The following ERBB4 variants were observed in gnomAD, a reference collection of about 807,000 sequenced individuals.
The protein encoded by ERBB4 is receptor tyrosine-protein kinase erbB-4.
In ERBB4, 42 loss-of-function variants were observed where a neutral mutation model predicts 158.0. That is an observed-to-expected ratio of 0.27 (90% confidence interval 0.21 to 0.34). The LOEUF is 0.34. ERBB4 is among the 10% of genes least tolerant of loss of function. ERBB4 has a pLI of 1.00. For missense variants in ERBB4, 1,333 were observed against 1,624.1 expected, an observed-to-expected ratio of 0.82 and a Z score of 3.08; for synonymous variants, 583 against 558.7, an observed-to-expected ratio of 1.04 and a Z score of -0.61.
intron 1 of ERBB4, among the ~76,000 whole-genome samples, chr2:212,389,677 A>G (rs1215796956): frequency 1.3e-5 from 2 of 152,040 alleles, no homozygotes; most frequent in African/African-American, 4.8e-5. Context: ...GTTCTAGTGC[A>G]CAGTACATTA....
chr2:211,535,549 G>GA (rs965741734), intron 20 of ERBB4: 1 of 151,272 alleles, frequency 6.6e-6, no homozygotes, highest in Non-Finnish European at 1.5e-5. Context: ...GTGCTGCTGG[G>GA]AAAAACATAA....
At chr2:211,486,271 G>T (rs1266600584) in intron 20 of ERBB4, among the ~76,000 whole-genome samples, 1 of 152,004 alleles carries the variant, frequency 6.6e-6, no homozygotes, top group African/African-American at 2.4e-5. Flanking sequence ...GTGCAAAAAA[G>T]ACAATTAATG....
chr2:211,987,035 C>T (rs1223362312), intron 2 of ERBB4, among the ~76,000 whole-genome samples: 8 of 151,918 alleles, frequency 5.3e-5, no homozygotes, highest in African/African-American at 1.9e-4. Context: ...AGAAATCTAT[C>T]ACACAGTGGG....
chr2:211,581,838 C>T (rs2068114599), intron 19 of ERBB4, among the ~76,000 whole-genome samples: 1 of 151,902 alleles, frequency 6.6e-6, no homozygotes, highest in African/African-American at 2.4e-5. Context: ...GGTGAAACCC[C>T]GTTTCCATTA....
chr2:211,514,495 A>T (rs925627181), intron 20 of ERBB4, among the ~76,000 whole-genome samples: 5 of 152,300 alleles, frequency 3.3e-5, no homozygotes, highest in African/African-American at 1.2e-4. Context: ...AAATGAAAGA[A>T]GTTGCCATTC....
intron 2 of ERBB4, among the ~76,000 whole-genome samples, chr2:211,997,647 TTAAA>T (rs1024605548): frequency 5.9e-5 from 9 of 151,944 alleles, no homozygotes; most frequent in Non-Finnish European, 1.0e-4. Flanking sequence ...GTGCCACAGC[TTAAA>T]TAGATTCCCT....
At chr2:211,993,087 G>A (rs1213772008) in intron 2 of ERBB4, among the ~76,000 whole-genome samples, 1 of 152,150 alleles carries the variant, frequency 6.6e-6, no homozygotes, top group Non-Finnish European at 1.5e-5. Flanking sequence ...TCTCTGTTAT[G>A]CACTGAGTTG....
chr2:211,746,389 A>G (rs192238475), intron 5 of ERBB4, among the ~76,000 whole-genome samples: 3 of 152,346 alleles, frequency 2.0e-5, no homozygotes, highest in African/African-American at 7.2e-5. Flanking sequence ...CGTTAAGCCA[A>G]TTTTGGATTA....
chr2:212,187,083 T>C (rs546109481), intron 1 of ERBB4, among the ~76,000 whole-genome samples: 1 of 152,236 alleles, frequency 6.6e-6, no homozygotes, highest in Admixed American at 6.5e-5. Context: ...TAAGGTCAAA[T>C]ACAGTTGGAG....
chr2:211,582,237 G>A (rs752699269), intron 19 of ERBB4, among the ~76,000 whole-genome samples: 12 of 152,080 alleles, frequency 7.9e-5, no homozygotes, highest in Non-Finnish European at 1.6e-4. Context: ...TAGGCGTGCC[G>A]GCTTTCATCT....
At chr2:211,940,402 G>T (rs907469243) in intron 3 of ERBB4, among the ~76,000 whole-genome samples, 7 of 152,076 alleles carry the variant, frequency 4.6e-5, no homozygotes, top group Non-Finnish European at 1.0e-4. Context: ...AAGCAAGGGG[G>T]TTTGTCTCCC....
At chr2:212,319,515 T>C (rs1322892773) in intron 1 of ERBB4, among the ~76,000 whole-genome samples, 1 of 150,610 alleles carries the variant, frequency 6.6e-6, no homozygotes, top group Non-Finnish European at 1.5e-5. Context: ...TAAATGACAT[T>C]TCTGTAGCAA....
At chr2:211,600,424 C>T (rs915988627) in intron 19 of ERBB4, among the ~76,000 whole-genome samples, 6 of 151,824 alleles carry the variant, frequency 4.0e-5, no homozygotes, top group African/African-American at 1.5e-4. Context: ...AAGCAAAAAG[C>T]CAAGTGCCTA....
chr2:211,925,655 T>C (rs1275388690), intron 3 of ERBB4, among the ~76,000 whole-genome samples: 1 of 152,058 alleles, frequency 6.6e-6, no homozygotes, highest in African/African-American at 2.4e-5. Context: ...TGCTAGATAA[T>C]AGGCATGAGC....
intron 16 of ERBB4, among the ~76,000 whole-genome samples, chr2:211,636,100 CGT>C (rs67127866): frequency 0.76 from 114,611 of 150,196 alleles, 47,667 homozygotes; most frequent in East Asian, 0.99. Context: ...ACTGAAAATG[CGT>C]GTGTGTGTTT....
intron 1 of ERBB4, among the ~76,000 whole-genome samples, chr2:212,371,910 G>A (rs1489223098): frequency 6.6e-6 from 1 of 152,098 alleles, no homozygotes; most frequent in Non-Finnish European, 1.5e-5. Context: ...AAGGATATTT[G>A]CAATTTAGTA....
intron 1 of ERBB4, among the ~76,000 whole-genome samples, chr2:212,193,763 A>G (rs1044131974): frequency 1.3e-5 from 2 of 152,086 alleles, no homozygotes; most frequent in African/African-American, 4.8e-5. Context: ...ACTTTAATCT[A>G]TCAATAAAAT....
chr2:212,369,970 G>GA (rs560085703), intron 1 of ERBB4, among the ~76,000 whole-genome samples: 16 of 151,626 alleles, frequency 1.1e-4, no homozygotes, highest in Admixed American at 8.5e-4. Flanking sequence ...GGAAAATTTA[G>GA]AAAAAAAATG....
At chr2:212,153,775 T>G (rs1053315042) in intron 1 of ERBB4, among the ~76,000 whole-genome samples, 1 of 152,166 alleles carries the variant, frequency 6.6e-6, no homozygotes, top group Non-Finnish European at 1.5e-5. Flanking sequence ...CACTTTCTAG[T>G]TCCAGTGAAG....
Sources: allele counts gnomAD v4.1 joint callset (sites outside exome capture counted in the v4.1 genomes callset), GRCh38; gene constraint gnomAD v4.1.1; transcripts MANE v1.5; gene names NCBI Gene and HGNC (gene_info 2026-07-23, HGNC 2026-07-21).